The following PDE10A variants were observed in gnomAD, a reference collection of about 807,000 sequenced individuals.
PDE10A encodes phosphodiesterase 10A, also known as cAMP and cAMP-inhibited cGMP 3',5'-cyclic phosphodiesterase 10A.
PDE10A carries 39 observed loss-of-function variants against 97.7 expected under a neutral mutation model. The observed-to-expected ratio is 0.40, with a 90% confidence interval of 0.31 to 0.52. PDE10A has a LOEUF of 0.52. Among genes scored for constraint, PDE10A ranks in the 20% least tolerant of loss-of-function variants. PDE10A has a pLI of 0.56. For missense variants in PDE10A, 731 were observed against 1,047.8 expected, an observed-to-expected ratio of 0.70 and a Z score of 4.17; for synonymous variants, 371 against 376.8, an observed-to-expected ratio of 0.98 and a Z score of 0.18.
chr6:165,953,436 C>A (rs1583338335), intron 1 of PDE10A, among the ~76,000 whole-genome samples: 1 of 151,958 alleles, frequency 6.6e-6, no homozygotes, highest in African/African-American at 2.4e-5. Context: ...ATTAAAAATA[C>A]AAAAATTAGC....
rs1453817812 is a variant in PDE10A at position 165,539,308 on chromosome 6, G to A, written c.994+4132C>T. On this transcript the variant is annotated intron_variant, in intron 2 of 21. Transcript: ENST00000539869. ...AAAATTAAACTGAAAATAAGAGTTA[G>A]AAAAAAAGACTCTGGAATTTAGATC... 2.0e-5 allele frequency among the ~76,000 whole-genome samples: 3 copies of A among 152,120 alleles called. No individual in the cohort carries two copies. In the East Asian group the frequency reaches 5.8e-4, roughly 29 times the overall value.
intron 1 of PDE10A, among the ~76,000 whole-genome samples, chr6:165,602,238 C>A (rs1786991348): frequency 6.6e-6 from 1 of 152,192 alleles, no homozygotes; most frequent in Non-Finnish European, 1.5e-5. Context: ...CGCTGATCCC[C>A]ACTGTCTCCC....
At chr6:165,904,245 C>T (rs1244005098) in intron 1 of PDE10A, among the ~76,000 whole-genome samples, 3 of 152,186 alleles carry the variant, frequency 2.0e-5, no homozygotes, top group East Asian at 1.9e-4. Context: ...GGACGGAATC[C>T]GAAGCAGCAG....
intron 1 of PDE10A, among the ~76,000 whole-genome samples, chr6:165,839,920 A>AG (rs1780192310): frequency 1.2e-3 from 39 of 33,000 alleles, no homozygotes; most frequent in East Asian, 2.9e-3. Context: ...TCCATCCCCA[A>AG]CCTCATCTCC....
intron 2 of PDE10A, among the ~76,000 whole-genome samples, chr6:165,511,888 G>A (rs1781529340): frequency 6.6e-6 from 1 of 151,810 alleles, no homozygotes; most frequent in African/African-American, 2.4e-5. Context: ...CATCACTTTA[G>A]TTTCACTCTA....
At chr6:165,428,290 G>A (rs1789307278) in intron 10 of PDE10A, among the ~76,000 whole-genome samples, 1 of 152,046 alleles carries the variant, frequency 6.6e-6, no homozygotes, top group Non-Finnish European at 1.5e-5. Flanking sequence ...AGCCATCTAG[G>A]AGAGAGGAAT....
Position 165,661,713 on chromosome 6 carries a change from C to T in PDE10A, c.865+234G>A, listed in dbSNP as rs1790274280. 2 of 444,214 alleles carry T rather than the reference C, an allele frequency of 4.5e-6. No individual in the cohort carries two copies. The highest frequency in any genetic ancestry group is 7.6e-5 in the East Asian group (2 of 26,184). The allele number at this position is 444,214 out of a possible 1,614,324, so 27.5% of individuals were successfully genotyped here. On this transcript the variant is annotated intron_variant, in intron 1 of 21. Coordinates refer to ENST00000539869, the MANE Select transcript of PDE10A (RefSeq NM_001385079.1). The surrounding 1 kb of genome is among the most constrained non-coding windows in gnomAD (Gnocchi z 4.8). ...CGCCGCCCTCCCGAGCCGCCCTTCC[C>T]CCGAGCGCTCGCGGAGCCTGGGAAA...
chr6:165,469,217 G>A (rs73786604), intron 3 of PDE10A, among the ~76,000 whole-genome samples: 4,982 of 152,268 alleles, frequency 0.033, 270 homozygotes, highest in African/African-American at 0.11. Context: ...TCTGTAATCT[G>A]TTGTTAAGAT....
rs180737585 is a variant in PDE10A at position 165,482,853 on chromosome 6, C to T, written c.995-510G>A. ...TCATTAATAATAGTGCTGCTTTGTTCCGTGTGTCTGAGGAGTTGTGGGGTT... is the reference window on the plus strand; with the variant it reads ...TCATTAATAATAGTGCTGCTTTGTTTCGTGTGTCTGAGGAGTTGTGGGGTT... On this transcript the variant is annotated intron_variant, in intron 2 of 21. Transcript: ENST00000539869. Among the ~76,000 whole-genome samples the T allele has an allele frequency of 4.3e-3, 658 of 152,280 alleles. 4 individuals are homozygous for T. Among genetic ancestry groups the T allele is most frequent in the South Asian group, 0.012 (57 of 4,828 alleles).
intron 1 of PDE10A, among the ~76,000 whole-genome samples, chr6:165,656,246 T>C (rs1238112527): frequency 9.5e-6 from 1 of 104,972 alleles, no homozygotes; most frequent in Non-Finnish European, 1.9e-5. Context: ...ACTCTCTCTC[T>C]CTCTCTCTCT....
chr6:165,961,313 C>T lies in PDE10A; in HGVS notation c.-615+26216G>A, dbSNP rs538499386. On this transcript the variant is annotated intron_variant, in intron 1 of 19. Coordinates refer to the PDE10A transcript ENST00000366882. The stretch of plus-strand genomic sequence containing the variant: ...GCTGAGATCACAAGCCGGGCAACTT[C>T]AAGCAAGTCGTTAACCTTTCTTCTC... Among the ~76,000 whole-genome samples, 3 of 152,316 alleles carry T rather than the reference C, an allele frequency of 2.0e-5. No individual in the cohort carries two copies. In the South Asian group the frequency reaches 6.2e-4, roughly 32 times the overall value.
intron 1 of PDE10A, among the ~76,000 whole-genome samples, chr6:165,553,852 T>TTTGA (rs1376248967): frequency 1.3e-5 from 2 of 152,198 alleles, no homozygotes; most frequent in Non-Finnish European, 2.9e-5. Context: ...AAAAACATTT[T>TTTGA]TTGATAGAAC....
At chr6:165,659,823 G>C (rs1444667100) in intron 1 of PDE10A, among the ~76,000 whole-genome samples, 2 of 152,112 alleles carry the variant, frequency 1.3e-5, no homozygotes, top group Non-Finnish European at 2.9e-5. Context: ...TACGAATCCC[G>C]AGAGGACTCC....
chr6:165,893,033 C>A (rs911899535), intron 1 of PDE10A, among the ~76,000 whole-genome samples: 9 of 152,288 alleles, frequency 5.9e-5, no homozygotes, highest in South Asian at 4.1e-4. Context: ...AGGATTTAAG[C>A]TTTTATGGGG....
chr6:165,495,119 A>G (rs1304422425), intron 2 of PDE10A, among the ~76,000 whole-genome samples: 1 of 152,200 alleles, frequency 6.6e-6, no homozygotes, highest in Non-Finnish European at 1.5e-5. Context: ...GTATTTACCA[A>G]AAGTCTACTT....
At chr6:165,660,251 G>A (rs900167727) in intron 1 of PDE10A, 1 of 152,508 alleles carries the variant, frequency 6.6e-6, no homozygotes, top group African/African-American at 2.4e-5. Context: ...AGGGAAAAGT[G>A]CTTCTACTGA....
chr6:165,621,482 G>A (rs113853668), intron 1 of PDE10A, among the ~76,000 whole-genome samples: 3,365 of 152,190 alleles, frequency 0.022, 132 homozygotes, highest in African/African-American at 0.077. Flanking sequence ...GATTGGCCAG[G>A]CACAGTGGCT....
At chr6:165,337,040 C>A (rs1781696943) in intron 20 of PDE10A, among the ~76,000 whole-genome samples, 1 of 152,048 alleles carries the variant, frequency 6.6e-6, no homozygotes, top group Admixed American at 6.6e-5. Flanking sequence ...TCCTCCCAGC[C>A]CTCTTATTTG....
chr6:165,501,562 G>C (rs1562525777), intron 2 of PDE10A, among the ~76,000 whole-genome samples: 1 of 148,316 alleles, frequency 6.7e-6, no homozygotes, highest in Non-Finnish European at 1.5e-5. Context: ...GAAAGGGCGA[G>C]ACTCCGTCTC....
Sources: allele counts gnomAD v4.1 joint callset (sites outside exome capture counted in the v4.1 genomes callset), GRCh38; gene constraint gnomAD v4.1.1; non-coding constraint Gnocchi (gnomAD v3.1); transcripts MANE v1.5; gene names NCBI Gene and HGNC (gene_info 2026-07-23, HGNC 2026-07-21).